DNM1L: variants seen among roughly 807,000 people sequenced by gnomAD.
DNM1L encodes the protein dynamin-1-like protein.
DNM1L carries 33 observed loss-of-function variants against 92.8 expected under a neutral mutation model. That is an observed-to-expected ratio of 0.36 (90% CI 0.27 to 0.48). The LOEUF is 0.48. DNM1L is among the 20% of genes least tolerant of loss of function. The pLI is 0.99. For missense variants in DNM1L, 485 were observed against 888.8 expected (o/e 0.55, Z 5.78); for synonymous variants, 284 against 305.0 (o/e 0.93, Z 0.72).
chr12:32,696,651 A>T (rs1246058594), intron 1 of DNM1L, among the ~76,000 whole-genome samples: 1 of 146,818 alleles, frequency 6.8e-6, no homozygotes, highest in Non-Finnish European at 1.5e-5. Flanking sequence ...TTTTAAAGAC[A>T]GGTTTGTTAT....
chr12:32,743,132 TG>T (rs1298501576), intron 19 of DNM1L, among the ~76,000 whole-genome samples: 2 of 151,692 alleles, frequency 1.3e-5, no homozygotes, highest in African/African-American at 4.8e-5. Context: ...CCTGACCTCA[TG>T]ATCCGCCCGC....
At chr12:32,697,726 CAAG>C (rs139796107) in intron 1 of DNM1L, among the ~76,000 whole-genome samples, 23,255 of 151,322 alleles carry the variant, frequency 0.15, 1,859 homozygotes, top group Middle Eastern at 0.21. Context: ...TGTTTCAACT[CAAG>C]GAGCTTTTTT....
chr12:32,727,152 G>A (rs1283690404), intron 9 of DNM1L: 1 of 788,886 alleles, frequency 1.3e-6, no homozygotes, highest in African/African-American at 1.7e-5. Flanking sequence ...TTCTTCATCT[G>A]GTTTCCATTC....
intron 1 of DNM1L, among the ~76,000 whole-genome samples, chr12:32,695,537 A>G (rs910145819): frequency 6.6e-6 from 1 of 152,220 alleles, no homozygotes; most frequent in African/African-American, 2.4e-5. Context: ...TAGGAGGCTG[A>G]GGCAGGAGGA....
chr12:32,717,776 C>A (rs1343440442), intron 6 of DNM1L, among the ~76,000 whole-genome samples: 3 of 107,380 alleles, frequency 2.8e-5, no homozygotes, highest in Non-Finnish European at 3.6e-5. Context: ...ATATATATAC[C>A]TAGGTAGATA....
chr12:32,704,902 T>A (rs1281194022), intron 2 of DNM1L, among the ~76,000 whole-genome samples: 1 of 152,190 alleles, frequency 6.6e-6, no homozygotes, highest in Non-Finnish European at 1.5e-5. Context: ...TTACCAACTT[T>A]TAAGGTTTTG....
chr12:32,741,055 C>T (rs1955250783), intron 18 of DNM1L, among the ~76,000 whole-genome samples: 1 of 152,194 alleles, frequency 6.6e-6, no homozygotes, highest in South Asian at 2.1e-4. Flanking sequence ...AAATATTCTG[C>T]ATCCAGTTTT....
chr12:32,708,962 T>C (rs1367691588), intron 4 of DNM1L, among the ~76,000 whole-genome samples: 2 of 152,288 alleles, frequency 1.3e-5, no homozygotes, highest in South Asian at 4.1e-4. Flanking sequence ...CAGAGGCACA[T>C]TTAATCCCAC....
At chr12:32,726,048 A>T (rs1188547703) in intron 9 of DNM1L, among the ~76,000 whole-genome samples, 2 of 152,042 alleles carry the variant, frequency 1.3e-5, no homozygotes, top group Non-Finnish European at 2.9e-5. Flanking sequence ...TTGGTTCTTC[A>T]AGGAAAAAAT....
At chr12:32,730,296 G>A (rs146705353) in intron 9 of DNM1L, among the ~76,000 whole-genome samples, 2,747 of 152,316 alleles carry the variant, frequency 0.018, 65 homozygotes, top group African/African-American at 0.061. Context: ...CCCAGGAGGC[G>A]GAGGTTGCAG....
intron 1 of DNM1L, among the ~76,000 whole-genome samples, chr12:32,700,200 A>G (rs1360918634): frequency 2.0e-5 from 3 of 151,774 alleles, no homozygotes; most frequent in East Asian, 2.0e-4. Context: ...GCTTACTGCA[A>G]CCTCCACCTC....
At chr12:32,717,932 A>ATATAG (rs1565518990) in intron 6 of DNM1L, among the ~76,000 whole-genome samples, 72 of 81,584 alleles carry the variant, frequency 8.8e-4, no homozygotes, top group South Asian at 7.9e-3. Flanking sequence ...TATATATTTT[A>ATATAG]TATATATATA....
At chr12:32,738,043 A>G (rs1000026877) in intron 15 of DNM1L, 101 bp downstream of exon 15, 2 of 1,342,120 alleles carry the variant, frequency 1.5e-6, no homozygotes, top group South Asian at 1.2e-5. Flanking sequence ...AATATGGGAT[A>G]CTGTGCTAAG....
Position 32,731,065 on chromosome 12 carries a change from C to T in DNM1L, c.1131C>T (p.Thr377=), listed in dbSNP as rs750950603. The change falls in exon 10 of 20, where the codon ACC becomes ACT. Residue 377 remains threonine (T), a synonymous_variant. Coordinates refer to ENST00000549701, the MANE Select transcript of DNM1L (RefSeq NM_012062.5). The surrounding 1 kb of genome is among the most constrained non-coding windows in gnomAD (Gnocchi z 5.1). ...TTTTCCATGAGACTTTTGGGCGAAC[C>T]TTAGAATCTGTTGATCCACTTGGTG... ...CYIFHETFGR[T]LESVDPLGGL... The T allele has an allele frequency of 1.2e-6, 2 of 1,613,968 alleles. No homozygotes were observed. The highest frequency in any genetic ancestry group is 1.7e-6 in the Non-Finnish European group (2 of 1,179,992).
intron 13 of DNM1L, among the ~76,000 whole-genome samples, chr12:32,736,330 A>C (rs1405632345): frequency 6.6e-6 from 1 of 152,042 alleles, no homozygotes; most frequent in East Asian, 1.9e-4. Flanking sequence ...TGGCCTCCCA[A>C]AGTGCTGGGA....
chr12:32,743,147 G>T (rs569557998), intron 19 of DNM1L, among the ~76,000 whole-genome samples: 2 of 151,546 alleles, frequency 1.3e-5, no homozygotes, highest in South Asian at 4.2e-4. Flanking sequence ...CGCCCGCCTC[G>T]ACCTCCCAAA....
At chr12:32,694,825 G>A (rs185465922) in intron 1 of DNM1L, among the ~76,000 whole-genome samples, 5 of 152,264 alleles carry the variant, frequency 3.3e-5, no homozygotes, top group Admixed American at 1.3e-4. Flanking sequence ...CTGATGGAGC[G>A]GAGAATTGTA....
chr12:32,717,267 T>TATATATAC (rs1953448894), intron 6 of DNM1L, among the ~76,000 whole-genome samples: 1 of 102,788 alleles, frequency 9.7e-6, no homozygotes, highest in African/African-American at 4.1e-5. Flanking sequence ...AGTATATATA[T>TATATATAC]ACTATATATT....
At chr12:32,740,359 C>T (rs894162664) in intron 17 of DNM1L, 50 bp from the exon 18 acceptor site, 5 of 1,607,510 alleles carry the variant, frequency 3.1e-6, no homozygotes, top group Non-Finnish European at 3.4e-6. Context: ...GTTAAAGCTG[C>T]CATTTTAGTG....
Sources: gnomAD v4.1 joint callset for allele counts (sites outside exome capture counted in the v4.1 genomes callset) on GRCh38, gnomAD v4.1.1 for gene constraint, Gnocchi (gnomAD v3.1) non-coding constraint, MANE v1.5 for transcripts, NCBI Gene and HGNC (gene_info 2026-07-23, HGNC 2026-07-21) for gene names.